EEA1: variants seen among roughly 807,000 people sequenced by gnomAD.
EEA1 encodes early endosome antigen 1, 162kD.
Under a neutral mutation model 209.2 loss-of-function variants are expected in EEA1, and 111 were observed. The observed-to-expected ratio is 0.53, with a 90% CI of 0.45 to 0.62. The LOEUF (loss-of-function observed/expected upper bound fraction) is 0.62, where lower values mean the gene tolerates loss of function less well. EEA1 is among the 20% of genes least tolerant of loss of function. EEA1 has a pLI of 0.00. For synonymous variants in EEA1, 536 were observed against 540.6 expected, an observed-to-expected ratio of 0.99 and a Z score of 0.12; for missense variants, 1,343 against 1,530.8, an observed-to-expected ratio of 0.88 and a Z score of 2.05.
intron 13 of EEA1, among the ~76,000 whole-genome samples, chr12:92,821,913 C>A (rs1876071535): frequency 6.7e-6 from 1 of 149,564 alleles, no homozygotes; most frequent in Non-Finnish European, 1.5e-5. Context: ...AACAAAAAAA[C>A]CTTCAATTAA....
chr12:92,809,062 A>G lies in EEA1; in HGVS notation c.2294T>C (p.Leu765Pro). 1 of 1,604,810 alleles carries G rather than the reference A, an allele frequency of 6.2e-7. No homozygotes were observed. The highest frequency in any genetic ancestry group is 1.1e-5 in the South Asian group (1 of 89,698). ...TTGTTTACTCAATTCTGTGGCTCTG[A>G]GCTCTAAATCTGTGTTCAGCTGTCT... ...QQRQLNTDLE[L>P]RATELSKQLE... Residue 765 changes from leucine to proline, a missense_variant, in exon 18 of 29, where the codon CTC becomes CCC. By Grantham distance (98) the Leu-to-Pro change is moderately conservative. Around this residue, in one of 3 missense-constraint regions of EEA1, gnomAD observed 1,307 missense variants for 1,465.5 expected, o/e 0.89. Coordinates refer to ENST00000322349, the MANE Select transcript of EEA1 (RefSeq NM_003566.4).
At chr12:92,833,338 C>G (rs78773603) in intron 10 of EEA1, among the ~76,000 whole-genome samples, 2,629 of 152,202 alleles carry the variant, frequency 0.017, 93 homozygotes, top group African/African-American at 0.061. Flanking sequence ...TTGTTAAAGA[C>G]CAAGTTTTGG....
chr12:92,853,282 A>C (rs1444907329), intron 6 of EEA1, among the ~76,000 whole-genome samples: 1 of 152,232 alleles, frequency 6.6e-6, no homozygotes, highest in Non-Finnish European at 1.5e-5. Context: ...ATTACAAGTT[A>C]TTTTGATTTC....
chr12:92,838,220 G>A (rs1877013091), intron 10 of EEA1, among the ~76,000 whole-genome samples: 3 of 152,092 alleles, frequency 2.0e-5, no homozygotes, highest in South Asian at 2.1e-4. Context: ...TAATGTGCAC[G>A]TGTGAATATA....
At chr12:92,816,915 TAA>T (rs1875817195) in intron 14 of EEA1, among the ~76,000 whole-genome samples, 1 of 151,380 alleles carries the variant, frequency 6.6e-6, no homozygotes, top group African/African-American at 2.5e-5. Flanking sequence ...TTTATTTTCA[TAA>T]TGGTATCTTT....
intron 2 of EEA1, among the ~76,000 whole-genome samples, chr12:92,880,906 T>C (rs1450114996): frequency 6.6e-6 from 1 of 152,136 alleles, no homozygotes; most frequent in Non-Finnish European, 1.5e-5. Flanking sequence ...CTCTGAAAGA[T>C]ACAGAGGGGA....
intron 22 of EEA1, among the ~76,000 whole-genome samples, chr12:92,784,742 T>C (rs955128205): frequency 1.3e-5 from 2 of 152,174 alleles, no homozygotes; most frequent in Admixed American, 1.3e-4. Context: ...ATTTTAAATG[T>C]TCTTTTCATC....
At chr12:92,804,940 T>C (rs1170948464) in intron 18 of EEA1, among the ~76,000 whole-genome samples, 2 of 152,206 alleles carry the variant, frequency 1.3e-5, no homozygotes, top group Non-Finnish European at 2.9e-5. Context: ...GAGAAATGTA[T>C]GTACAAAGTA....
At chr12:92,899,519 A>G (rs1445872081) in intron 1 of EEA1, among the ~76,000 whole-genome samples, 1 of 152,270 alleles carries the variant, frequency 6.6e-6, no homozygotes, top group Non-Finnish European at 1.5e-5. Context: ...TCATGGCAGA[A>G]GGCCTGGGTT....
At chr12:92,854,738 T>C (rs896360302) in intron 5 of EEA1, among the ~76,000 whole-genome samples, 9 of 152,132 alleles carry the variant, frequency 5.9e-5, no homozygotes, top group Admixed American at 1.3e-4. Context: ...GAGATCCCCA[T>C]TGTCTGGGAT....
At chr12:92,845,279 T>C (rs1001572746) in intron 9 of EEA1, among the ~76,000 whole-genome samples, 6 of 151,944 alleles carry the variant, frequency 3.9e-5, no homozygotes, top group African/African-American at 1.5e-4. Flanking sequence ...AGAAGAGGAG[T>C]GAGGAGAGTG....
chr12:92,923,561 A>G (rs1881094618), intron 1 of EEA1, among the ~76,000 whole-genome samples: 1 of 152,052 alleles, frequency 6.6e-6, no homozygotes, highest in South Asian at 2.1e-4. Flanking sequence ...AGTCACTGCC[A>G]TCCTCTGCAA....
At chr12:92,811,249 A>G (rs764889487) in intron 17 of EEA1, 30 bp downstream of exon 17, 2 of 1,383,952 alleles carry the variant, frequency 1.4e-6, no homozygotes, top group South Asian at 3.7e-5. Flanking sequence ...AGTAGAAAAT[A>G]TGACTAAATT....
chr12:92,928,528 A>G (rs1881297250), intron 1 of EEA1, among the ~76,000 whole-genome samples: 1 of 152,096 alleles, frequency 6.6e-6, no homozygotes, highest in Admixed American at 6.5e-5. Context: ...GGGGCTCACC[A>G]CACCACCCTC....
intron 1 of EEA1, among the ~76,000 whole-genome samples, chr12:92,924,901 C>T (rs576083621): frequency 7.1e-6 from 1 of 141,350 alleles, no homozygotes; most frequent in East Asian, 2.2e-4. Context: ...TTAGCTGTCA[C>T]TTTTTAAAAT....
chr12:92,796,051 T>C (rs1233823621), intron 21 of EEA1, among the ~76,000 whole-genome samples: 1 of 152,036 alleles, frequency 6.6e-6, no homozygotes, highest in Non-Finnish European at 1.5e-5. Context: ...TCTCTGTCTT[T>C]GAGGAACTCA....
intron 25 of EEA1, 151 bp downstream of exon 25, chr12:92,778,964 A>G: frequency 1.8e-6 from 1 of 571,420 alleles, no homozygotes; most frequent in South Asian, 4.1e-5. Context: ...ACCACATGTC[A>G]GCTATGTAAA....
At chr12:92,815,463 G>A (rs1875735097) in intron 15 of EEA1, among the ~76,000 whole-genome samples, 1 of 152,010 alleles carries the variant, frequency 6.6e-6, no homozygotes. Context: ...AGAAAGAAAT[G>A]TATATTCTCT....
intron 2 of EEA1, among the ~76,000 whole-genome samples, chr12:92,883,070 C>A (rs143372950): frequency 6.6e-6 from 1 of 152,286 alleles, no homozygotes; most frequent in Non-Finnish European, 1.5e-5. Flanking sequence ...TGCAGCCTCA[C>A]CAACATTTGT....
Sources: gnomAD v4.1 joint callset for allele counts (sites outside exome capture counted in the v4.1 genomes callset) on GRCh38, gnomAD v4.1.1 for gene constraint, gnomAD v4.1.1 regional missense constraint, MANE v1.5 for transcripts, NCBI Gene and HGNC (gene_info 2026-07-23, HGNC 2026-07-21) for gene names.